MAPK8IP3: variants seen among roughly 807,000 people sequenced by gnomAD.
MAPK8IP3 encodes the protein mitogen-activated protein kinase 8 interacting protein 3, also known as C-Jun-amino-terminal kinase-interacting protein 3.
A neutral mutation model predicts 157.8 loss-of-function variants in MAPK8IP3; 49 were observed. That is an observed-to-expected ratio of 0.31 (90% CI 0.25 to 0.39). MAPK8IP3 has a LOEUF of 0.39. Among genes scored for constraint, MAPK8IP3 ranks in the 10% least tolerant of loss-of-function variants. The pLI, the probability that MAPK8IP3 is intolerant of heterozygous loss-of-function variation, is 1.00. For synonymous variants in MAPK8IP3, 897 were observed against 777.7 expected (o/e 1.15, Z -2.55); for missense variants, 1,478 against 1,889.4 (o/e 0.78, Z 4.04).
intron 1 of MAPK8IP3, among the ~76,000 whole-genome samples, chr16:1,711,942 CAAAAAAAAAA>C (rs751305952): frequency 3.8e-5 from 2 of 52,494 alleles, no homozygotes; most frequent in Non-Finnish European, 7.7e-5. Context: ...GACTCCGTCT[CAAAAAAAAAA>C]AAAAAGAAAA....
In MAPK8IP3 at chr16:1,741,066, G is replaced by A. The variant is rs1481680857; in HGVS notation, c.603-2266G>A. Among the ~76,000 whole-genome samples, 2 of 152,008 alleles carry A rather than the reference G, an allele frequency of 1.3e-5. No homozygotes were observed. The highest frequency in any genetic ancestry group is 4.2e-4 in the South Asian group (2 of 4,816). On this transcript the variant is annotated intron_variant, in intron 4 of 31. Coordinates refer to ENST00000610761, the MANE Select transcript of MAPK8IP3 (RefSeq NM_001318852.2). The surrounding 1 kb of genome is among the most constrained non-coding windows in gnomAD (Gnocchi z 6.9). ...GGCTGGTGCTGACTCGGGGGGCGAC[G>A]GGCCAAGGAAGGGCCCCTCTCTGCA...
chr16:1,762,223 G>A (rs1321328940), intron 13 of MAPK8IP3, 128 bp from the exon 14 acceptor site: 8 of 1,283,876 alleles, frequency 6.2e-6, no homozygotes, highest in Admixed American at 2.6e-5. Context: ...CCTCCACACC[G>A]CTTCTTGCCT....
intron 6 of MAPK8IP3, 145 bp from the exon 7 acceptor site, chr16:1,748,099 C>T (rs978590160): frequency 3.1e-5 from 20 of 640,714 alleles, no homozygotes; most frequent in African/African-American, 2.7e-4. Context: ...CCCAGTCAGC[C>T]TGGGAAGAGC....
rs144156157 is a variant in MAPK8IP3, at chr16:1,743,611, A to G, written c.747+135A>G. The G allele has an allele frequency of 1.2e-5, 17 of 1,449,122 alleles. No individual in the cohort carries two copies. Among genetic ancestry groups the G allele is most frequent in the Middle Eastern group, 2.4e-4 (1 of 4,128 alleles). The allele number at this position is 1,449,122 out of a possible 1,614,324, so 89.8% of individuals were successfully genotyped here. A position where few individuals can be genotyped will look rare whatever the true frequency, so the allele number is the denominator to read the frequency against. Reference sequence around the variant, plus strand: ...CTCGCCCTCTCCCTTCGTGTGTGGCAGGATGGAGAAACCCAGCCAGGGTGT... The same window carrying G: ...CTCGCCCTCTCCCTTCGTGTGTGGCGGGATGGAGAAACCCAGCCAGGGTGT... On this transcript the variant is annotated intron_variant, in intron 5 of 31. Coordinates refer to ENST00000610761, the MANE Select transcript of MAPK8IP3 (RefSeq NM_001318852.2). This position sits in a 1 kb window ranked among gnomAD's most constrained non-coding sequence, Gnocchi z 5.6.
chr16:1,767,888 G>A lies in MAPK8IP3; in HGVS notation c.3493G>A (p.Gly1165Arg). Residue 1165 changes from glycine to arginine, a missense_variant, in exon 28 of 32, where the codon GGA becomes AGA. Gly to Arg is a moderately radical substitution (Grantham distance 125, BLOSUM62 -2). Transcript: ENST00000610761. The stretch of plus-strand genomic sequence containing the variant: ...CCGGCTCTGGGTGGGCACCGGCAAC[G>A]GAGTGGTCATCTCCATCCCCCTGAC... Reference protein sequence around the residue: ...GSRLWVGTGNGVVISIPLTET... With the variant: ...GSRLWVGTGNRVVISIPLTET... The A allele has an allele frequency of 1.9e-6, 3 of 1,611,312 alleles. No homozygotes were observed. The highest frequency in any genetic ancestry group is 2.5e-6 in the Non-Finnish European group (3 of 1,179,922).
At chr16:1,725,499 C>A (rs909724566) in intron 2 of MAPK8IP3, among the ~76,000 whole-genome samples, 1 of 151,318 alleles carries the variant, frequency 6.6e-6, no homozygotes, top group South Asian at 2.1e-4. Flanking sequence ...TGGTGGCGGG[C>A]GCCTGTAGTC....
chr16:1,734,369 G>A (rs181003371), intron 4 of MAPK8IP3, among the ~76,000 whole-genome samples: 7 of 152,320 alleles, frequency 4.6e-5, no homozygotes, highest in Admixed American at 2.6e-4. Context: ...GCACGGAATC[G>A]GTCACGCCTG....
chr16:1,735,614 C>A (rs562052539), intron 4 of MAPK8IP3, among the ~76,000 whole-genome samples: 1 of 136,896 alleles, frequency 7.3e-6, no homozygotes, highest in Non-Finnish European at 1.5e-5. Flanking sequence ...TGTGACCATC[C>A]GTGTGAGCAT....
chr16:1,767,038 C>T, intron 25 of MAPK8IP3, 67 bp downstream of exon 25: 4 of 1,568,118 alleles, frequency 2.6e-6, no homozygotes, highest in Non-Finnish European at 2.6e-6. Flanking sequence ...AGCCAAGGGG[C>T]TCCCGGGGTT....
At position 1,747,766 on chromosome 16, in the gene MAPK8IP3, G is replaced by A. The variant is rs182755856; in HGVS notation, c.995-478G>A. ...ACACAGCCCCACTAACCAGTAACCTGCATCGCCCCACGGCACACAGCCCCA... is the reference window on the plus strand; with the variant it reads ...ACACAGCCCCACTAACCAGTAACCTACATCGCCCCACGGCACACAGCCCCA... On this transcript the variant is annotated intron_variant, in intron 6 of 31. Coordinates refer to ENST00000610761, the MANE Select transcript of MAPK8IP3 (RefSeq NM_001318852.2). 7.6e-4 allele frequency among the ~76,000 whole-genome samples: 116 copies of A among 151,802 alleles called. No individual in the cohort carries two copies. In the East Asian group the frequency reaches 0.022, roughly 28 times the overall value.
chr16:1,718,115 A>C (rs890032319), intron 1 of MAPK8IP3, among the ~76,000 whole-genome samples: 1 of 151,914 alleles, frequency 6.6e-6, no homozygotes, highest in Non-Finnish European at 1.5e-5. Flanking sequence ...GGACTCCCAA[A>C]GTGCTGGGAT....
chr16:1,767,295 G>A lies in MAPK8IP3; in HGVS notation c.3235G>A (p.Glu1079Lys). ...HVIQPKTMQIEKSFDAHPRRE... is the reference protein window; with the variant it reads ...HVIQPKTMQIKKSFDAHPRRE... ...CATCCAGCCCAAGACCATGCAGATAGAGGCGAGTGCCGGCCAGGGCCCCGG... is the reference window on the plus strand; with the variant it reads ...CATCCAGCCCAAGACCATGCAGATAAAGGCGAGTGCCGGCCAGGGCCCCGG... Residue 1079 changes from glutamate to lysine, a missense_variant and splice_region_variant, in exon 26 of 32, where the codon GAG becomes AAG. By Grantham distance (56) the Glu-to-Lys change is moderately conservative (BLOSUM62 1). Coordinates refer to ENST00000610761, the MANE Select transcript of MAPK8IP3 (RefSeq NM_001318852.2). The A allele has an allele frequency of 1.2e-6, 2 of 1,613,088 alleles. No individual in the cohort carries two copies. The highest frequency in any genetic ancestry group is 1.7e-6 in the Non-Finnish European group (2 of 1,179,956).
At chr16:1,739,258 ATCTGTGTGACCG>A (rs2040417544) in intron 4 of MAPK8IP3, among the ~76,000 whole-genome samples, 2 of 82,778 alleles carry the variant, frequency 2.4e-5, no homozygotes, top group East Asian at 5.0e-4. Flanking sequence ...CCATGTGAGC[ATCTGTGTGACCG>A]TCCGTGTGAG....
At chr16:1,734,330 C>T (rs1313581763) in intron 4 of MAPK8IP3, among the ~76,000 whole-genome samples, 4 of 152,216 alleles carry the variant, frequency 2.6e-5, no homozygotes, top group East Asian at 1.9e-4. Flanking sequence ...CCTCCCTGGC[C>T]GGCGGTGGTA....
intron 12 of MAPK8IP3, 98 bp downstream of exon 12, chr16:1,760,630 C>G: frequency 6.9e-7 from 1 of 1,447,992 alleles, no homozygotes. Flanking sequence ...GCCTGAGCGG[C>G]TCTGTGCATA....
intron 1 of MAPK8IP3, among the ~76,000 whole-genome samples, chr16:1,723,045 T>C (rs972612715): frequency 2.0e-5 from 3 of 147,852 alleles, no homozygotes; most frequent in African/African-American, 7.6e-5. Flanking sequence ...TTGTTTTTGT[T>C]TTTTGAGATG....
At chr16:1,723,560 C>A (rs1435912884) in intron 1 of MAPK8IP3, among the ~76,000 whole-genome samples, 1 of 152,150 alleles carries the variant, frequency 6.6e-6, no homozygotes, top group Non-Finnish European at 1.5e-5. Context: ...CTCAAGGCTG[C>A]AGTGAGTTGT....
intron 8 of MAPK8IP3, chr16:1,749,039 A>G: frequency 2.4e-6 from 1 of 415,822 alleles, no homozygotes; most frequent in Non-Finnish European, 4.6e-6. Flanking sequence ...AGTTGCTGTT[A>G]TGCTGTGTCG....
intron 8 of MAPK8IP3, among the ~76,000 whole-genome samples, chr16:1,756,561 T>G (rs929242800): frequency 6.6e-6 from 1 of 151,106 alleles, no homozygotes; most frequent in Non-Finnish European, 1.5e-5. Flanking sequence ...GGTGGGCAGA[T>G]TGCTTGAGCC....
Sources: allele counts gnomAD v4.1 joint callset (sites outside exome capture counted in the v4.1 genomes callset), GRCh38; gene constraint gnomAD v4.1.1; non-coding constraint Gnocchi (gnomAD v3.1); transcripts MANE v1.5; gene names NCBI Gene and HGNC (gene_info 2026-07-23, HGNC 2026-07-21).